The following EFCAB13 variants were observed in gnomAD, a reference collection of about 807,000 sequenced individuals.
EFCAB13 encodes EF-hand calcium-binding domain-containing protein 13.
In EFCAB13, 91 loss-of-function variants were observed where a neutral mutation model predicts 110.2. The observed-to-expected ratio is 0.83, with a 90% confidence interval of 0.70 to 0.98. The LOEUF is 0.98. EFCAB13 is among the 50% of genes least tolerant of loss of function. EFCAB13 has a pLI of 0.00. For missense variants in EFCAB13, 968 were observed against 1,119.4 expected, an observed-to-expected ratio of 0.86 and a Z score of 1.93; for synonymous variants, 323 against 369.9, an observed-to-expected ratio of 0.87 and a Z score of 1.45.
intron 4 of EFCAB13, chr17:47,328,678 G>A: frequency 3.6e-6 from 1 of 277,184 alleles, no homozygotes. Flanking sequence ...ATGAGAGGTT[G>A]TAGATAATGT....
intron 11 of EFCAB13, among the ~76,000 whole-genome samples, chr17:47,372,383 AT>A (rs1169895363): frequency 2.0e-5 from 3 of 152,074 alleles, no homozygotes; most frequent in Non-Finnish European, 4.4e-5. Context: ...TGCATTTATA[AT>A]TTTTGATGTC....
intron 23 of EFCAB13, among the ~76,000 whole-genome samples, chr17:47,421,767 A>G (rs1283148131): frequency 6.6e-6 from 1 of 152,230 alleles, no homozygotes; most frequent in Non-Finnish European, 1.5e-5. Context: ...GAAAATTTTA[A>G]TGAAAAGAAT....
intron 17 of EFCAB13, among the ~76,000 whole-genome samples, chr17:47,396,225 G>A (rs2065737406): frequency 1.3e-5 from 2 of 151,968 alleles, no homozygotes. Context: ...CCTTCAAGTT[G>A]TGTGGTATGT....
chr17:47,438,420 GGTACACCAA>G (rs1169408161), intron 24 of EFCAB13, among the ~76,000 whole-genome samples: 2 of 151,740 alleles, frequency 1.3e-5, no homozygotes, highest in Non-Finnish European at 2.9e-5. Flanking sequence ...TTCTTCCTCA[GGTACACCAA>G]CTATTCTTAG....
chr17:47,428,858 T>C (rs1431561604), intron 23 of EFCAB13, among the ~76,000 whole-genome samples: 4 of 152,134 alleles, frequency 2.6e-5, no homozygotes, highest in Non-Finnish European at 4.4e-5. Context: ...ATTGTTATTA[T>C]GTAAGAGAAT....
intron 12 of EFCAB13, 121 bp downstream of exon 12, chr17:47,375,087 T>G: frequency 9.0e-7 from 1 of 1,117,074 alleles, no homozygotes; most frequent in Non-Finnish European, 1.2e-6. Flanking sequence ...CCACTTCTTT[T>G]TTTTTTAATT....
intron 9 of EFCAB13, among the ~76,000 whole-genome samples, chr17:47,358,952 A>C (rs1195709107): frequency 2.0e-5 from 3 of 152,190 alleles, no homozygotes; most frequent in Admixed American, 6.5e-5. Flanking sequence ...TGGTTCTGAT[A>C]ATTTTTGCCA....
chr17:47,415,179 T>C (rs1013812887), intron 23 of EFCAB13, among the ~76,000 whole-genome samples: 1 of 151,964 alleles, frequency 6.6e-6, no homozygotes, highest in Non-Finnish European at 1.5e-5. Context: ...TAGGTGGGAA[T>C]TGAACAATGA....
chr17:47,359,517 G>GTT lies in EFCAB13; in HGVS notation c.662-1847_662-1846dup, dbSNP rs71141905. On this transcript the variant is annotated intron_variant, in intron 9 of 24. Coordinates refer to ENST00000331493, the MANE Select transcript of EFCAB13 (RefSeq NM_152347.5). Reference sequence around the variant, plus strand: ...GTCTGAAATTGATAATGGGAATTGTGTTTTTTTTTTTTTTTGTCAAGGCTA... The same window carrying GTT: ...GTCTGAAATTGATAATGGGAATTGTGTTTTTTTTTTTTTTTTTGTCAAGGCTA... Among the ~76,000 whole-genome samples the GTT allele has an allele frequency of 1.3e-3, 167 of 127,178 alleles. 4 individuals carry two copies. Among genetic ancestry groups the GTT allele is most frequent in the Middle Eastern group, 4.1e-3 (1 of 246 alleles). The allele number at this position is 127,178 out of a possible 152,430, so 83.4% of individuals were successfully genotyped here.
At chr17:47,403,830 G>C (rs1010282193) in intron 18 of EFCAB13, 48 bp from the exon 19 acceptor site, 5 of 1,521,636 alleles carry the variant, frequency 3.3e-6, no homozygotes, top group Admixed American at 2.1e-5. Context: ...CAAATGTCTT[G>C]AGTGATGGCT....
intron 9 of EFCAB13, among the ~76,000 whole-genome samples, chr17:47,357,479 G>A (rs778112351): frequency 6.6e-6 from 1 of 152,100 alleles, no homozygotes; most frequent in Non-Finnish European, 1.5e-5. Flanking sequence ...GCAATGGCGC[G>A]ATCTCGCTCA....
chr17:47,409,645 A>C lies in EFCAB13; in HGVS notation c.2234-2A>C. ...GTGTAATGTCTCTCTCTAAATTTGCAGATTTCAGGAAAGAGGCTTCAAATC... is the reference window on the plus strand; with the variant it reads ...GTGTAATGTCTCTCTCTAAATTTGCCGATTTCAGGAAAGAGGCTTCAAATC... On this transcript the variant is annotated splice_acceptor_variant, in intron 20 of 24. Coordinates refer to ENST00000331493, the MANE Select transcript of EFCAB13 (RefSeq NM_152347.5). LOFTEE classifies it high-confidence loss of function. 1 of 1,609,988 alleles carries C rather than the reference A, an allele frequency of 6.2e-7. No homozygotes were observed. Among genetic ancestry groups the C allele is most frequent in the Non-Finnish European group, 8.5e-7 (1 of 1,176,488 alleles).
chr17:47,425,005 CCCGAGTAG>C (rs1341901835), intron 23 of EFCAB13, among the ~76,000 whole-genome samples: 2 of 145,494 alleles, frequency 1.4e-5, no homozygotes, highest in African/African-American at 5.1e-5. Flanking sequence ...GCCTCAGCCT[CCCGAGTAG>C]CTGGGACTAC....
rs979369712 is a variant in EFCAB13, at chr17:47,391,451, A to G, written c.1597A>G (p.Ile533Val). The G allele has an allele frequency of 2.5e-6, 4 of 1,574,430 alleles. No individual in the cohort carries two copies. The highest frequency in any genetic ancestry group is 3.8e-5 in the Admixed American group (2 of 52,976). The change falls in exon 15 of 25, where the codon ATT becomes GTT. Residue 533 changes from isoleucine to valine, a missense_variant. By Grantham distance (29) the Ile-to-Val change is conservative. Transcript: ENST00000331493. ...TTTATTTTTAGCGTTGCCTGGTGTC[A>G]TTAAAGCCATTGATAAAATTAAAGA... Reference protein sequence around the residue: ...FPECNALPGVIKAIDKIKDKN... With the variant: ...FPECNALPGVVKAIDKIKDKN...
intron 9 of EFCAB13, among the ~76,000 whole-genome samples, chr17:47,351,525 T>G (rs895955389): frequency 6.6e-6 from 1 of 152,160 alleles, no homozygotes; most frequent in African/African-American, 2.4e-5. Flanking sequence ...CTTTGAGAAA[T>G]CTCCACACTG....
At chr17:47,333,182 ATAAT>A (rs917136750) in intron 4 of EFCAB13, among the ~76,000 whole-genome samples, 32 of 152,342 alleles carry the variant, frequency 2.1e-4, no homozygotes, top group African/African-American at 7.7e-4. Flanking sequence ...CATTTCCCTA[ATAAT>A]TAGTGATATT....
At chr17:47,337,061 C>T (rs370553549) in intron 5 of EFCAB13, among the ~76,000 whole-genome samples, 1 of 152,270 alleles carries the variant, frequency 6.6e-6, no homozygotes, top group South Asian at 2.1e-4. Flanking sequence ...TTTATTTAAT[C>T]TAACATTTTC....
intron 8 of EFCAB13, among the ~76,000 whole-genome samples, chr17:47,347,507 T>C (rs2065424185): frequency 6.6e-6 from 1 of 152,170 alleles, no homozygotes; most frequent in African/African-American, 2.4e-5. Context: ...CTGAGATACA[T>C]AGTAAGTGCT....
At chr17:47,368,014 T>C (rs2065558306) in intron 10 of EFCAB13, among the ~76,000 whole-genome samples, 1 of 152,166 alleles carries the variant, frequency 6.6e-6, no homozygotes, top group Non-Finnish European at 1.5e-5. Flanking sequence ...AAGCAGAGCA[T>C]ATCCTGAAGC....
Sources: gnomAD v4.1 joint callset for allele counts (sites outside exome capture counted in the v4.1 genomes callset) on GRCh38, gnomAD v4.1.1 for gene constraint, MANE v1.5 for transcripts, NCBI Gene and HGNC (gene_info 2026-07-23, HGNC 2026-07-21) for gene names.